Variants in CFAP69 observed in about 807,000 individuals in gnomAD.
The protein encoded by CFAP69 is cilia- and flagella-associated protein 69.
CFAP69 carries 92 observed loss-of-function variants against 123.0 expected under a neutral mutation model. The ratio of observed to expected loss-of-function variants is 0.75; its 90% CI spans 0.63 to 0.89. The LOEUF is 0.89. CFAP69 is among the 40% of genes least tolerant of loss of function. CFAP69 has a pLI of 0.00. For missense variants in CFAP69, 1,067 were observed against 1,096.9 expected, an observed-to-expected ratio of 0.97 and a Z score of 0.39; for synonymous variants, 380 against 364.3, an observed-to-expected ratio of 1.04 and a Z score of -0.49.
intron 1 of CFAP69, 51 bp from the exon 2 acceptor site, chr7:90,255,372 C>A: frequency 7.0e-7 from 1 of 1,425,772 alleles, no homozygotes; most frequent in Non-Finnish European, 9.8e-7. Context: ...TTAGATATGA[C>A]TTATTGATAT....
chr7:90,280,146 A>T (rs971382677), intron 12 of CFAP69, among the ~76,000 whole-genome samples: 4 of 152,186 alleles, frequency 2.6e-5, no homozygotes, highest in African/African-American at 7.2e-5. Context: ...GTATTATTAG[A>T]CCTATCTAAA....
chr7:90,258,232 G>A (rs1797885425), intron 3 of CFAP69, 69 bp downstream of exon 3: 1 of 1,138,382 alleles, frequency 8.8e-7, no homozygotes, highest in African/African-American at 1.6e-5. Flanking sequence ...TAGAAAATGT[G>A]TTAGTTTTCC....
intron 11 of CFAP69, 114 bp from the exon 12 acceptor site, chr7:90,279,563 G>T: frequency 7.0e-6 from 4 of 571,674 alleles, no homozygotes; most frequent in South Asian, 6.2e-5. Context: ...ATTTTATAAA[G>T]GAATTATTTT....
intron 9 of CFAP69, among the ~76,000 whole-genome samples, chr7:90,274,438 C>A (rs2116955187): frequency 6.6e-6 from 1 of 152,312 alleles, no homozygotes; most frequent in South Asian, 2.1e-4. Context: ...TGGTGCAAAT[C>A]TACTGGCTGC....
chr7:90,305,384 CAAA>C (rs200471433), intron 19 of CFAP69, among the ~76,000 whole-genome samples: 1 of 135,014 alleles, frequency 7.4e-6, no homozygotes, highest in African/African-American at 2.8e-5. Context: ...AGAAGCCTAG[CAAA>C]AAAAAAAAAA....
chr7:90,310,456 ATT>A lies in CFAP69; in HGVS notation c.*221_*222del. 1 of 276,280 alleles carries A rather than the reference ATT, an allele frequency of 3.6e-6. No homozygotes were observed. Among genetic ancestry groups the A allele is most frequent in the Non-Finnish European group, 6.6e-6 (1 of 151,332 alleles). 17.1% of individuals were successfully genotyped at this position (276,280 alleles called of 1,614,324 possible). A position where few individuals can be genotyped will look rare whatever the true frequency, so the allele number is the denominator to read the frequency against. On this transcript the variant is annotated 3_prime_UTR_variant, in exon 23 of 23. Coordinates refer to ENST00000389297, the MANE Select transcript of CFAP69 (RefSeq NM_001039706.3). ...ATCAGTTTCTTTGGAAAGGCTACCA[ATT>A]TTACTAAGTGAAATTGTAAAACATA... is the stretch of plus-strand genomic sequence containing the variant.
rs186980124 is a variant in CFAP69, at chr7:90,283,799, A to G, written c.1537+743A>G. On this transcript the variant is annotated intron_variant, in intron 13 of 22. Coordinates refer to ENST00000389297, the MANE Select transcript of CFAP69 (RefSeq NM_001039706.3). ...TTATATAATCTGCTAGATGTCAATTAATTATAAATGCCTACTCAAAAAATC... is the reference window on the plus strand; with the variant it reads ...TTATATAATCTGCTAGATGTCAATTGATTATAAATGCCTACTCAAAAAATC... 6.4e-3 allele frequency among the ~76,000 whole-genome samples: 970 copies of G among 152,272 alleles called. 12 individuals carry two copies. Among genetic ancestry groups the G allele is most frequent in the Non-Finnish European group, 6.7e-3 (459 of 68,006 alleles).
intron 15 of CFAP69, among the ~76,000 whole-genome samples, chr7:90,293,768 G>A (rs937030788): frequency 2.0e-5 from 3 of 152,138 alleles, no homozygotes; most frequent in African/African-American, 7.2e-5. Context: ...TACTAGGCAT[G>A]GAGCCTAGGA....
At chr7:90,297,411 C>G (rs1792149691) in intron 15 of CFAP69, among the ~76,000 whole-genome samples, 1 of 151,978 alleles carries the variant, frequency 6.6e-6, no homozygotes, top group African/African-American at 2.4e-5. Context: ...TTTACAGCAA[C>G]AATAAATGGA....
intron 1 of CFAP69, among the ~76,000 whole-genome samples, chr7:90,248,898 C>T (rs919162654): frequency 6.6e-6 from 1 of 152,144 alleles, no homozygotes; most frequent in African/African-American, 2.4e-5. Context: ...TTAGAAATGC[C>T]TACCTCATCG....
At chr7:90,302,552 A>G (rs927986874) in intron 17 of CFAP69, 1 of 152,148 alleles carries the variant, frequency 6.6e-6, no homozygotes, top group African/African-American at 2.4e-5. Context: ...CTGGCTAGTT[A>G]TCCCAGCACC....
chr7:90,245,663 C>T (rs901015462), intron 1 of CFAP69, 119 bp downstream of exon 1: 2 of 1,274,912 alleles, frequency 1.6e-6, no homozygotes, highest in South Asian at 1.9e-5. Context: ...ATGGGGGAAG[C>T]CGCGGGATGG....
intron 6 of CFAP69, among the ~76,000 whole-genome samples, chr7:90,269,533 TC>T (rs142024255): frequency 0.028 from 4,204 of 152,274 alleles, 62 homozygotes; most frequent in Middle Eastern, 0.048. Flanking sequence ...GAAAGTTGTC[TC>T]AGTGTCAAAC....
At chr7:90,323,591 A>T in the CFAP69 span, among the ~76,000 whole-genome samples, 1 of 152,198 alleles carries the variant, frequency 6.6e-6, no homozygotes, top group Non-Finnish European at 1.5e-5. Flanking sequence ...ATTGACAAAT[A>T]AAAAATTAAT....
At chr7:90,285,535 G>C (rs1315786684) in intron 13 of CFAP69, among the ~76,000 whole-genome samples, 1 of 152,130 alleles carries the variant, frequency 6.6e-6, no homozygotes, top group Non-Finnish European at 1.5e-5. Context: ...AAGCAAAAGA[G>C]GGATTTTAAA....
Position 90,286,280 on chromosome 7 carries a change from G to A in CFAP69, c.1538-1G>A. The A allele has an allele frequency of 6.3e-7, 1 of 1,591,432 alleles. No individual in the cohort carries two copies. The highest frequency in any genetic ancestry group is 8.6e-7 in the Non-Finnish European group (1 of 1,165,878). ...ACAGTCTTTAAATGTTTTCATACCA[G>A]GAATCTTTAAAAATATAATAAGCAA... On this transcript the variant is annotated splice_acceptor_variant, in intron 13 of 22. Transcript: ENST00000389297. LOFTEE classifies it high-confidence loss of function.
intron 18 of CFAP69, 156 bp from the exon 19 acceptor site, chr7:90,304,588 C>A: frequency 7.1e-7 from 1 of 1,408,888 alleles, no homozygotes; most frequent in South Asian, 1.5e-5. Flanking sequence ...ACAGAATTAA[C>A]TTTTTCATAA....
intron 18 of CFAP69, 164 bp from the exon 19 acceptor site, chr7:90,304,580 A>C (rs1793283194): frequency 1.4e-6 from 2 of 1,396,842 alleles, no homozygotes; most frequent in East Asian, 2.7e-5. Context: ...AGCTACTCAC[A>C]GAATTAACTT....
chr7:90,318,123 A>G, the CFAP69 span: 1 of 152,194 alleles, frequency 6.6e-6, no homozygotes, highest in African/African-American at 2.4e-5. Flanking sequence ...ATGCATTCAA[A>G]AAGTATTAAT....
Sources: gnomAD v4.1 joint callset for allele counts (sites outside exome capture counted in the v4.1 genomes callset) on GRCh38, gnomAD v4.1.1 for gene constraint, MANE v1.5 for transcripts, NCBI Gene and HGNC (gene_info 2026-07-23, HGNC 2026-07-21) for gene names.